The following UBR3 variants were observed in gnomAD, a reference collection of about 807,000 sequenced individuals.
UBR3 encodes ubiquitin protein ligase E3 component n-recognin 3, also known as E3 ubiquitin-protein ligase UBR3.
UBR3 carries 85 observed loss-of-function variants against 243.2 expected under a neutral mutation model. The observed-to-expected ratio is 0.35, with a 90% CI of 0.29 to 0.42. The LOEUF (loss-of-function observed/expected upper bound fraction) is 0.42, where lower values mean the gene tolerates loss of function less well. UBR3 is among the 10% of genes least tolerant of loss of function. The pLI, the probability that UBR3 is intolerant of heterozygous loss-of-function variation, is 1.00. For synonymous variants in UBR3, 748 were observed against 799.8 expected (o/e 0.94, Z 1.09); for missense variants, 1,686 against 2,300.8 (o/e 0.73, Z 5.47).
In UBR3 at chr2:169,868,071, T is replaced by G. The variant is rs2083316268; in HGVS notation, c.546-4165T>G. On this transcript the variant is annotated intron_variant, in intron 1 of 38. Coordinates refer to ENST00000272793, the MANE Select transcript of UBR3 (RefSeq NM_172070.4). ...GTCATTTTTGACTGAAAGACAAATT[T>G]AAATTACAATCTTTTAAATGAATTC... Among the ~76,000 whole-genome samples, 3 of 152,362 alleles carry G rather than the reference T, an allele frequency of 2.0e-5. 1 individual carries two copies. In the Middle Eastern group the frequency reaches 0.01, roughly 518 times the overall value.
rs146367211 is a variant in UBR3 at position 169,936,790 on chromosome 2, C to T, written c.2663+3782C>T. Among the ~76,000 whole-genome samples the T allele has an allele frequency of 8.1e-3, 1,236 of 152,134 alleles. 17 individuals carry two copies. The highest frequency in any genetic ancestry group is 0.028 in the African/African-American group (1,145 of 41,478). ...TGCGGTGTTTGGTTTTCTGTCCTTG[C>T]GACAGTTTGGTCAGAATGATGGTTT... On this transcript the variant is annotated intron_variant, in intron 19 of 38. Coordinates refer to ENST00000272793, the MANE Select transcript of UBR3 (RefSeq NM_172070.4).
intron 1 of UBR3, among the ~76,000 whole-genome samples, chr2:169,855,936 G>GC (rs1275165190): frequency 4.0e-5 from 6 of 150,462 alleles, no homozygotes; most frequent in African/African-American, 9.8e-5. Flanking sequence ...AGGCAGAGGC[G>GC]CCCCCCACCT....
intron 6 of UBR3, among the ~76,000 whole-genome samples, chr2:169,892,685 A>C (rs752855105): frequency 6.6e-6 from 1 of 152,198 alleles, no homozygotes; most frequent in Non-Finnish European, 1.5e-5. Context: ...TATTTTGAAG[A>C]TATCTGAAGT....
At position 170,030,308 on chromosome 2, in the gene UBR3, T is replaced by C. The variant is rs557776509; in HGVS notation, c.4556+860T>C. ...TGGAATCAGCCATTTCTCCATTTAG[T>C]TCCTTTTAATGGCAAATGGTATTTA... is the stretch of plus-strand genomic sequence containing the variant. On this transcript the variant is annotated intron_variant, in intron 31 of 38. Transcript: ENST00000272793. Among the ~76,000 whole-genome samples the C allele has an allele frequency of 5.3e-5, 8 of 152,232 alleles. No individual in the cohort carries two copies. The South Asian group carries it at 1.7e-3, about 32-fold the overall frequency.
chr2:170,053,185 C>G (rs1250452261), intron 32 of UBR3, among the ~76,000 whole-genome samples: 2 of 152,080 alleles, frequency 1.3e-5, no homozygotes, highest in Non-Finnish European at 2.9e-5. Flanking sequence ...AGGAGGGGTC[C>G]CACCATTCCC....
intron 24 of UBR3, among the ~76,000 whole-genome samples, chr2:169,970,000 A>G (rs577612808): frequency 2.3e-5 from 3 of 129,354 alleles, no homozygotes; most frequent in South Asian, 2.4e-4. Flanking sequence ...TTGTGGTTCC[A>G]TATCATATGA....
chr2:169,925,333 T>C (rs1181036732), intron 13 of UBR3, among the ~76,000 whole-genome samples: 1 of 152,220 alleles, frequency 6.6e-6, no homozygotes, highest in Non-Finnish European at 1.5e-5. Flanking sequence ...ACATAAGCAT[T>C]GATTTCTTAT....
chr2:170,075,486 A>C (rs912440574), intron 36 of UBR3, among the ~76,000 whole-genome samples: 1 of 152,234 alleles, frequency 6.6e-6, no homozygotes, highest in Non-Finnish European at 1.5e-5. Flanking sequence ...TGCTGATGGA[A>C]AATAAGAATT....
chr2:169,861,827 C>G (rs979410454), intron 1 of UBR3, among the ~76,000 whole-genome samples: 2 of 152,140 alleles, frequency 1.3e-5, no homozygotes, highest in African/African-American at 4.8e-5. Context: ...GCTTCTAGAA[C>G]TCTAATGATT....
At chr2:169,848,273 G>T (rs950627949) in intron 1 of UBR3, among the ~76,000 whole-genome samples, 1 of 149,484 alleles carries the variant, frequency 6.7e-6, no homozygotes, top group Non-Finnish European at 1.5e-5. Context: ...TTTAGATACA[G>T]ATTTTATTTA....
chr2:169,853,792 G>GT lies in UBR3; in HGVS notation c.546-18438dup, dbSNP rs2082744796. ...AGGGACTTCGTTTTTTTTTTGTTTT[G>GT]TTTTTTGTTTTTTTAAATCTGCATG... On this transcript the variant is annotated intron_variant, in intron 1 of 38. Coordinates refer to ENST00000272793, the MANE Select transcript of UBR3 (RefSeq NM_172070.4). 3.3e-5 allele frequency among the ~76,000 whole-genome samples: 5 copies of GT among 149,912 alleles called. No homozygotes were observed. In the East Asian group the frequency reaches 9.8e-4, roughly 29 times the overall value.
intron 20 of UBR3, among the ~76,000 whole-genome samples, chr2:169,945,798 G>A (rs1293798258): frequency 2.6e-5 from 4 of 152,144 alleles, no homozygotes; most frequent in Non-Finnish European, 5.9e-5. Context: ...CCTCAGAGAA[G>A]CCTTTTTACT....
chr2:169,896,745 A>T lies in UBR3; in HGVS notation c.1465+10A>T. 1 of 1,525,496 alleles carries T rather than the reference A, an allele frequency of 6.6e-7. No individual in the cohort carries two copies. Among genetic ancestry groups the T allele is most frequent in the Non-Finnish European group, 8.9e-7 (1 of 1,125,732 alleles). The allele number at this position is 1,525,496 out of a possible 1,614,324, so 94.5% of individuals were successfully genotyped here. On this transcript the variant is annotated intron_variant, in intron 8 of 38. Transcript: ENST00000272793. ...AAAAGTGAGCTACAAGGTAACTCAGAATTATATTCACTAGTTCTATTATTA... is the reference window on the plus strand; with the variant it reads ...AAAAGTGAGCTACAAGGTAACTCAGTATTATATTCACTAGTTCTATTATTA...
chr2:169,995,486 T>C (rs2105395245), intron 26 of UBR3, among the ~76,000 whole-genome samples: 1 of 152,362 alleles, frequency 6.6e-6, no homozygotes, highest in Non-Finnish European at 1.5e-5. Context: ...AATTTAACTC[T>C]TGTTTATATC....
At chr2:169,856,886 A>G (rs1315341375) in intron 1 of UBR3, among the ~76,000 whole-genome samples, 2 of 151,978 alleles carry the variant, frequency 1.3e-5, no homozygotes, top group African/African-American at 2.4e-5. Context: ...TGGCTAGCAT[A>G]GTATGTCATC....
intron 38 of UBR3, among the ~76,000 whole-genome samples, 184 bp from the exon 39 acceptor site, chr2:170,081,542 G>A (rs2091906995): frequency 6.6e-6 from 1 of 151,628 alleles, no homozygotes; most frequent in Non-Finnish European, 1.5e-5. Context: ...ATAAAAAAAG[G>A]AGGCAGGCAT....
At chr2:170,025,228 A>G (rs2090498079) in intron 30 of UBR3, among the ~76,000 whole-genome samples, 2 of 152,204 alleles carry the variant, frequency 1.3e-5, no homozygotes, top group African/African-American at 2.4e-5. Context: ...TGACCATCCA[A>G]TGAGAGAGGA....
intron 1 of UBR3, among the ~76,000 whole-genome samples, chr2:169,844,780 G>A (rs1440988378): frequency 6.6e-6 from 1 of 152,182 alleles, no homozygotes; most frequent in Non-Finnish European, 1.5e-5. Flanking sequence ...ACAGGTGGGA[G>A]CCATCGCGCC....
intron 31 of UBR3, among the ~76,000 whole-genome samples, chr2:170,034,586 T>C (rs2090774251): frequency 6.6e-6 from 1 of 152,004 alleles, no homozygotes; most frequent in Non-Finnish European, 1.5e-5. Flanking sequence ...TTGAAGGACA[T>C]TTGGTTGCTT....
Sources: allele counts gnomAD v4.1 joint callset (sites outside exome capture counted in the v4.1 genomes callset), GRCh38; gene constraint gnomAD v4.1.1; transcripts MANE v1.5; gene names NCBI Gene and HGNC (gene_info 2026-07-23, HGNC 2026-07-21).